AGBL4: variants seen among roughly 807,000 people sequenced by gnomAD.
AGBL4 encodes the protein cytosolic carboxypeptidase 6.
In AGBL4, 58 loss-of-function variants were observed where a neutral mutation model predicts 66.4. The observed-to-expected ratio is 0.87, with a 90% CI of 0.71 to 1.09. The LOEUF is 1.09. Ranked by LOEUF, AGBL4 falls within the 50% of genes least tolerant of loss-of-function variation. The pLI is 0.00. For synonymous variants in AGBL4, 234 were observed against 222.9 expected (o/e 1.05, Z -0.44); for missense variants, 579 against 631.0 (o/e 0.92, Z 0.88).
At chr1:49,031,315 A>G (rs1664209757) in intron 5 of AGBL4, among the ~76,000 whole-genome samples, 1 of 151,998 alleles carries the variant, frequency 6.6e-6, no homozygotes, top group South Asian at 2.1e-4. Flanking sequence ...ACCACCAAGA[A>G]GGGTAGATTT....
chr1:49,587,772 A>T (rs777082891), intron 3 of AGBL4, among the ~76,000 whole-genome samples: 7 of 152,172 alleles, frequency 4.6e-5, no homozygotes, highest in Non-Finnish European at 8.8e-5. Context: ...TTGTTTGCAA[A>T]CTCCAGCCCT....
intron 3 of AGBL4, among the ~76,000 whole-genome samples, chr1:49,530,596 G>C (rs1160699080): frequency 6.6e-6 from 1 of 151,830 alleles, no homozygotes; most frequent in Non-Finnish European, 1.5e-5. Flanking sequence ...TGGTATTTTG[G>C]GATTGGGAAA....
intron 3 of AGBL4, among the ~76,000 whole-genome samples, chr1:49,651,125 G>A (rs1194349051): frequency 6.6e-6 from 1 of 152,176 alleles, no homozygotes; most frequent in Non-Finnish European, 1.5e-5. Context: ...AGCCAGAGAG[G>A]TTTATTTCAA....
rs183230738 is a variant in AGBL4 at position 48,765,117 on chromosome 1, C to T, written c.635-101876G>A. Among the ~76,000 whole-genome samples, 649 of 152,348 alleles carry T rather than the reference C, an allele frequency of 4.3e-3. 1 individual carries two copies. Among genetic ancestry groups the T allele is most frequent in the African/African-American group, 0.015 (617 of 41,566 alleles). The stretch of plus-strand genomic sequence containing the variant: ...CTCAAAGATGCATTACACATCTACA[C>T]ATCCTACCTACCTTCTTTGTAGTCT... On this transcript the variant is annotated intron_variant, in intron 6 of 13. Coordinates refer to ENST00000371839, the MANE Select transcript of AGBL4 (RefSeq NM_032785.4).
At chr1:48,583,716 A>G (rs1039582691) in intron 11 of AGBL4, among the ~76,000 whole-genome samples, 1 of 152,114 alleles carries the variant, frequency 6.6e-6, no homozygotes, top group Admixed American at 6.5e-5. Context: ...TTCCTAGTCT[A>G]GAGGACATTT....
At chr1:49,920,119 C>T (rs1652048073) in intron 1 of AGBL4, among the ~76,000 whole-genome samples, 1 of 152,156 alleles carries the variant, frequency 6.6e-6, no homozygotes, top group Non-Finnish European at 1.5e-5. Flanking sequence ...CATGTTAGAC[C>T]TAAAACCATA....
chr1:48,633,828 C>T (rs1645627488), intron 9 of AGBL4, among the ~76,000 whole-genome samples: 1 of 152,218 alleles, frequency 6.6e-6, no homozygotes, highest in Admixed American at 6.5e-5. Context: ...ATTGTTCTGT[C>T]TGCCTATGTC....
chr1:48,889,596 A>T (rs1168382114), intron 5 of AGBL4, among the ~76,000 whole-genome samples: 2 of 152,204 alleles, frequency 1.3e-5, no homozygotes, highest in Admixed American at 1.3e-4. Context: ...CTGTGTGTCT[A>T]TGACACTGGA....
chr1:50,009,342 T>C (rs1287810924), intron 1 of AGBL4, among the ~76,000 whole-genome samples: 2 of 152,138 alleles, frequency 1.3e-5, no homozygotes, highest in Admixed American at 6.5e-5. Flanking sequence ...ATCCCAGCAA[T>C]GCAAGGATGG....
intron 3 of AGBL4, among the ~76,000 whole-genome samples, chr1:49,355,889 T>TAC (rs1299848456): frequency 2.0e-5 from 3 of 152,118 alleles, no homozygotes. Context: ...CAGGTACCAA[T>TAC]TAGTGATGAA....
At chr1:48,548,679 C>T (rs949518103) in intron 11 of AGBL4, among the ~76,000 whole-genome samples, 19 of 152,300 alleles carry the variant, frequency 1.2e-4, no homozygotes, top group Middle Eastern at 3.4e-3. Context: ...TTCTAGAACC[C>T]TCAGCAAGCT....
intron 6 of AGBL4, among the ~76,000 whole-genome samples, chr1:48,754,727 T>C (rs1652269214): frequency 6.6e-6 from 1 of 152,178 alleles, no homozygotes; most frequent in Non-Finnish European, 1.5e-5. Context: ...AAGGGTTGTT[T>C]ACCATGCTAA....
chr1:48,846,362 GAAGAAAGAAAGAAAGA>G (rs72459142), intron 6 of AGBL4, among the ~76,000 whole-genome samples: 4,732 of 118,674 alleles, frequency 0.04, 282 homozygotes, highest in African/African-American at 0.13. Flanking sequence ...GAGAAAGAAA[GAAGAAAGAAAGAAAGA>G]AAGAAAGAAA....
chr1:48,577,841 A>G (rs1315234012), intron 11 of AGBL4, among the ~76,000 whole-genome samples: 1 of 152,200 alleles, frequency 6.6e-6, no homozygotes, highest in African/African-American at 2.4e-5. Context: ...CAACCTCTGC[A>G]GGGTTCAGAA....
intron 6 of AGBL4, among the ~76,000 whole-genome samples, chr1:48,776,065 A>T (rs1023997136): frequency 1.3e-5 from 2 of 152,206 alleles, no homozygotes; most frequent in Non-Finnish European, 1.5e-5. Flanking sequence ...CCCGGATGGG[A>T]CAAGGATGTC....
intron 6 of AGBL4, among the ~76,000 whole-genome samples, chr1:48,725,300 C>G (rs915432092): frequency 6.6e-6 from 1 of 152,060 alleles, no homozygotes; most frequent in Non-Finnish European, 1.5e-5. Flanking sequence ...CAGCCTTATC[C>G]CAGACCTACC....
Position 49,008,197 on chromosome 1 carries a change from G to A in AGBL4, c.594+37387C>T, listed in dbSNP as rs1431524711. On this transcript the variant is annotated intron_variant, in intron 5 of 13. Transcript: ENST00000371839. The stretch of plus-strand genomic sequence containing the variant: ...ATGGAGGAAGATCTACTAAGCAAAT[G>A]GAAAACAAAAAAAGGCAGGGGTTGC... 2.9e-4 allele frequency among the ~76,000 whole-genome samples: 44 copies of A among 151,174 alleles called. 1 individual carries two copies. Among genetic ancestry groups the A allele is most frequent in the African/African-American group, 1.0e-3 (42 of 41,296 alleles).
At chr1:49,202,766 A>T (rs773635104) in intron 4 of AGBL4, among the ~76,000 whole-genome samples, 17 of 152,240 alleles carry the variant, frequency 1.1e-4, no homozygotes, top group Non-Finnish European at 2.2e-4. Context: ...ATGAGACAAC[A>T]TCAAAGATTA....
chr1:49,736,440 C>A (rs923979205), intron 2 of AGBL4, among the ~76,000 whole-genome samples: 1 of 151,908 alleles, frequency 6.6e-6, no homozygotes, highest in African/African-American at 2.4e-5. Flanking sequence ...AAAGAAATTT[C>A]AGAAAATTCA....
Sources: allele counts gnomAD v4.1 joint callset (sites outside exome capture counted in the v4.1 genomes callset), GRCh38; gene constraint gnomAD v4.1.1; transcripts MANE v1.5; gene names NCBI Gene and HGNC (gene_info 2026-07-23, HGNC 2026-07-21).